Variants in ITGA8 observed in about 807,000 individuals in gnomAD.
ITGA8 encodes the protein integrin alpha-8.
A neutral mutation model predicts 142.3 loss-of-function variants in ITGA8; 91 were observed. The ratio of observed to expected loss-of-function variants is 0.64; its 90% CI spans 0.54 to 0.76. ITGA8 has a LOEUF of 0.76. ITGA8 is among the 30% of genes least tolerant of loss of function. ITGA8 has a pLI of 0.00. For missense variants in ITGA8, 1,406 were observed against 1,327.7 expected (o/e 1.06, Z -0.92); for synonymous variants, 505 against 485.2 (o/e 1.04, Z -0.54).
At chr10:15,716,323 A>G (rs1489810953) in intron 2 of ITGA8, among the ~76,000 whole-genome samples, 1 of 152,268 alleles carries the variant, frequency 6.6e-6, no homozygotes, top group East Asian at 1.9e-4. Flanking sequence ...AAACCACTAT[A>G]TATTTGGAAG....
intron 26 of ITGA8, among the ~76,000 whole-genome samples, chr10:15,554,311 G>A (rs767486745): frequency 6.6e-5 from 10 of 152,144 alleles, no homozygotes; most frequent in Non-Finnish European, 1.5e-4. Flanking sequence ...ATTGCCCTGA[G>A]TTCAGAACTG....
chr10:15,612,213 TC>T (rs1406068594), intron 15 of ITGA8, among the ~76,000 whole-genome samples: 4 of 152,114 alleles, frequency 2.6e-5, no homozygotes, highest in African/African-American at 9.7e-5. Flanking sequence ...ACTCCCCAGC[TC>T]CCAGCAATAG....
In ITGA8 at chr10:15,661,046, G is replaced by T; in HGVS notation, c.848-124C>A. The T allele has an allele frequency of 3.5e-6, 3 of 858,332 alleles. No individual in the cohort carries two copies. The East Asian group carries it at 7.7e-5, about 22-fold the overall frequency. The allele number at this position is 858,332 out of a possible 1,614,324, so 53.2% of individuals were successfully genotyped here. A position where few individuals can be genotyped will look rare whatever the true frequency, so the allele number is the denominator to read the frequency against. ...AATGAGTGGCTATCATACAGAGCAG[G>T]GGTCCCCAAGCCCCAGGCCATCAAC... On this transcript the variant is annotated intron_variant, in intron 8 of 29. Transcript: ENST00000378076.
At chr10:15,692,582 C>T (rs778884596) in intron 2 of ITGA8, among the ~76,000 whole-genome samples, 3 of 152,154 alleles carry the variant, frequency 2.0e-5, no homozygotes, top group Admixed American at 2.0e-4. Context: ...AGAGGCTTCC[C>T]AGCATGTGTT....
At chr10:15,653,224 T>G (rs952909273) in intron 11 of ITGA8, among the ~76,000 whole-genome samples, 1 of 152,208 alleles carries the variant, frequency 6.6e-6, no homozygotes, top group African/African-American at 2.4e-5. Flanking sequence ...CTCACCTCCC[T>G]TAGGTGTTTC....
intron 2 of ITGA8, among the ~76,000 whole-genome samples, chr10:15,702,857 G>T (rs1310347714): frequency 2.0e-5 from 3 of 152,082 alleles, no homozygotes; most frequent in Non-Finnish European, 4.4e-5. Context: ...ACAGTACAAA[G>T]TAACAAAACT....
chr10:15,704,080 C>T lies in ITGA8; in HGVS notation c.343+14686G>A, dbSNP rs903091932. Among the ~76,000 whole-genome samples the T allele has an allele frequency of 4.6e-5, 7 of 152,172 alleles. No individual in the cohort carries two copies. In the South Asian group the frequency reaches 6.2e-4, roughly 14 times the overall value. On this transcript the variant is annotated intron_variant, in intron 2 of 29. Coordinates refer to ENST00000378076, the MANE Select transcript of ITGA8 (RefSeq NM_003638.3). ...CCAGAACCTTGGAATGCATCCTTGA[C>T]GATCACCAATCTTGCACTCCCATAT...
At chr10:15,637,593 C>A (rs1648519409) in intron 13 of ITGA8, among the ~76,000 whole-genome samples, 2 of 150,632 alleles carry the variant, frequency 1.3e-5, no homozygotes, top group Non-Finnish European at 2.9e-5. Context: ...CTCACTATAG[C>A]CTAGACTTCC....
At chr10:15,570,021 T>C (rs1834149487) in intron 25 of ITGA8, among the ~76,000 whole-genome samples, 1 of 152,214 alleles carries the variant, frequency 6.6e-6, no homozygotes, top group African/African-American at 2.4e-5. Flanking sequence ...TATCTGTTTT[T>C]TAATGTCTAT....
At chr10:15,694,197 A>T (rs1399278279) in intron 2 of ITGA8, among the ~76,000 whole-genome samples, 3 of 143,010 alleles carry the variant, frequency 2.1e-5, no homozygotes, top group East Asian at 2.0e-4. Context: ...ATATATGATA[A>T]TATATCATAT....
chr10:15,579,194 A>G (rs1046207786), intron 23 of ITGA8, among the ~76,000 whole-genome samples: 3 of 152,092 alleles, frequency 2.0e-5, no homozygotes, highest in African/African-American at 7.2e-5. Context: ...TTACTATGTA[A>G]ATGGCTAAAA....
At chr10:15,547,530 C>G (rs1187196951) in intron 27 of ITGA8, among the ~76,000 whole-genome samples, 2 of 152,208 alleles carry the variant, frequency 1.3e-5, no homozygotes, top group East Asian at 3.8e-4. Flanking sequence ...CAAGATCGCA[C>G]TACTGCACTC....
At chr10:15,636,042 G>C (rs1409563843) in intron 13 of ITGA8, among the ~76,000 whole-genome samples, 1 of 151,962 alleles carries the variant, frequency 6.6e-6, no homozygotes, top group Non-Finnish European at 1.5e-5. Context: ...TTATATAGTA[G>C]GGGCCCGGAT....
intron 4 of ITGA8, among the ~76,000 whole-genome samples, chr10:15,683,319 AC>A (rs1564407417): frequency 8.4e-5 from 7 of 83,730 alleles, no homozygotes; most frequent in African/African-American, 4.0e-4. Flanking sequence ...CCACCCACCC[AC>A]CCACCCACCC....
chr10:15,552,423 A>T (rs950171337), intron 26 of ITGA8, among the ~76,000 whole-genome samples: 8 of 152,120 alleles, frequency 5.3e-5, no homozygotes, highest in African/African-American at 1.4e-4. Context: ...CAAGCATGAG[A>T]CACTACACCC....
At chr10:15,655,309 G>A in intron 11 of ITGA8, 45 bp downstream of exon 11, 2 of 1,203,378 alleles carry the variant, frequency 1.7e-6, no homozygotes, top group African/African-American at 1.5e-5. Context: ...ACATCTTTAT[G>A]GATGAATGTA....
At chr10:15,574,188 C>T (rs1005168001) in intron 24 of ITGA8, among the ~76,000 whole-genome samples, 1 of 152,130 alleles carries the variant, frequency 6.6e-6, no homozygotes. Flanking sequence ...GATCCTCTCC[C>T]TGTTCACAAC....
intron 13 of ITGA8, among the ~76,000 whole-genome samples, chr10:15,625,165 A>G (rs978275758): frequency 6.6e-6 from 1 of 152,238 alleles, no homozygotes; most frequent in East Asian, 1.9e-4. Context: ...ACTCTGAAGA[A>G]AAACATTTAT....
chr10:15,562,299 C>A (rs1277344362), intron 25 of ITGA8, among the ~76,000 whole-genome samples: 2 of 152,174 alleles, frequency 1.3e-5, no homozygotes, highest in African/African-American at 2.4e-5. Flanking sequence ...ATGGCAGATG[C>A]CCCTGCGAAG....
Sources: gnomAD v4.1 joint callset for allele counts (sites outside exome capture counted in the v4.1 genomes callset) on GRCh38, gnomAD v4.1.1 for gene constraint, MANE v1.5 for transcripts, NCBI Gene and HGNC (gene_info 2026-07-23, HGNC 2026-07-21) for gene names.